Variants in MARK1 observed in about 807,000 individuals in gnomAD.
MARK1 encodes the protein microtubule affinity regulating kinase 1.
In MARK1, 40 loss-of-function variants were observed where a neutral mutation model predicts 96.3. The observed-to-expected ratio is 0.42, with a 90% CI of 0.32 to 0.54. The LOEUF (loss-of-function observed/expected upper bound fraction) is 0.54, where lower values mean the gene tolerates loss of function less well. MARK1 is among the 20% of genes least tolerant of loss of function. MARK1 has a pLI of 0.16. For synonymous variants in MARK1, 317 were observed against 341.2 expected, an observed-to-expected ratio of 0.93 and a Z score of 0.78; for missense variants, 719 against 984.6, an observed-to-expected ratio of 0.73 and a Z score of 3.61.
At chr1:220,557,536 G>A (rs1662358568) in intron 1 of MARK1, among the ~76,000 whole-genome samples, 1 of 151,978 alleles carries the variant, frequency 6.6e-6, no homozygotes, top group South Asian at 2.1e-4. Flanking sequence ...TCCAACCTGG[G>A]TGACAGAGAG....
chr1:220,550,669 G>A (rs1326363282), intron 1 of MARK1, among the ~76,000 whole-genome samples: 1 of 152,122 alleles, frequency 6.6e-6, no homozygotes, highest in African/African-American at 2.4e-5. Flanking sequence ...TGTTTGTCCT[G>A]TGTCCCTTTA....
intron 1 of MARK1, among the ~76,000 whole-genome samples, chr1:220,574,928 A>G (rs1663729894): frequency 6.6e-6 from 1 of 152,216 alleles, no homozygotes; most frequent in South Asian, 2.1e-4. Context: ...CCCTACCTTC[A>G]GGTCTAATAT....
At chr1:220,543,979 A>G (rs763705176) in intron 1 of MARK1, among the ~76,000 whole-genome samples, 14 of 152,242 alleles carry the variant, frequency 9.2e-5, no homozygotes, top group Non-Finnish European at 1.6e-4. Context: ...AGACAATTAT[A>G]GTTGATGGCT....
At position 220,615,973 on chromosome 1, in the gene MARK1, A is replaced by T. The variant is rs1335494759; in HGVS notation, c.530A>T (p.Tyr177Phe). Residue 177 changes from tyrosine to phenylalanine, a missense_variant, in exon 7 of 18, where the codon TAC (tyrosine) becomes TTC (phenylalanine). Tyr to Phe is a conservative substitution (Grantham distance 22). Transcript: ENST00000366917. ...GCTGTACAGTATTGTCATCAAAAGT[A>T]CATTGTTCACCGTGATCTTAAGGTA... ...VSAVQYCHQK[Y>F]IVHRDLKAEN... 1.3e-6 allele frequency: 2 copies of T among 1,559,822 alleles called. No homozygotes were observed. The highest frequency in any genetic ancestry group is 1.7e-4 in the Middle Eastern group (1 of 5,916).
intron 1 of MARK1, among the ~76,000 whole-genome samples, chr1:220,562,251 G>C (rs1662717561): frequency 6.6e-6 from 1 of 152,052 alleles, no homozygotes; most frequent in African/African-American, 2.4e-5. Context: ...GATCACTTGA[G>C]GCCAGGAGTT....
At chr1:220,619,701 A>AT (rs1158565918) in intron 9 of MARK1, among the ~76,000 whole-genome samples, 3 of 151,680 alleles carry the variant, frequency 2.0e-5, no homozygotes, top group East Asian at 1.9e-4. Flanking sequence ...AATGTCTACT[A>AT]TTTTTTTTCT....
In MARK1 at chr1:220,635,430, A is replaced by C. The variant is rs1667905036; in HGVS notation, c.1177A>C (p.Ser393Arg). 1.2e-6 allele frequency: 2 copies of C among 1,612,482 alleles called. No homozygotes were observed. Among genetic ancestry groups the C allele is most frequent in the Non-Finnish European group, 1.7e-6 (2 of 1,179,704 alleles). Residue 393 changes from serine (S) to arginine (R), a missense_variant, in exon 12 of 18, where the codon AGT becomes CGT. By Grantham distance (110) the Ser-to-Arg change is moderately radical. Transcript: ENST00000366917. ...SGNLCQRSRP[S>R]SDLNNSTLQS... The stretch of plus-strand genomic sequence containing the variant: ...AAACTTGTGTCAGAGGTCCCGGCCC[A>C]GTAGTGACTTAAACAACAGCACTCT...
At chr1:220,578,311 C>T (rs945365824) in intron 1 of MARK1, among the ~76,000 whole-genome samples, 1 of 152,242 alleles carries the variant, frequency 6.6e-6, no homozygotes, top group Admixed American at 6.5e-5. Context: ...ACAATCACAG[C>T]TAGTGAAACA....
chr1:220,653,131 A>G lies in MARK1; in HGVS notation c.1767A>G (p.Pro589=). The G allele has an allele frequency of 4.3e-6, 7 of 1,614,160 alleles. No individual in the cohort carries two copies. The highest frequency in any genetic ancestry group is 4.2e-6 in the Non-Finnish European group (5 of 1,180,018). ...CCCAGAGAGTGCCTGCTGCTTCCCCATCTGCTCACAGTATTAGTACTGCGA... is the reference window on the plus strand; with the variant it reads ...CCCAGAGAGTGCCTGCTGCTTCCCCGTCTGCTCACAGTATTAGTACTGCGA... ...GTTQRVPAAS[P]SAHSISTATP... Residue 589 remains proline, a synonymous_variant, in exon 16 of 18, where the codon CCA becomes CCG. Transcript: ENST00000366917.
At chr1:220,622,063 T>C (rs1279108313) in intron 9 of MARK1, among the ~76,000 whole-genome samples, 1 of 152,190 alleles carries the variant, frequency 6.6e-6, no homozygotes, top group Non-Finnish European at 1.5e-5. Flanking sequence ...CTAATTGTAC[T>C]AGTCTGGAAC....
At chr1:220,633,242 AG>A (rs1048538017) in intron 11 of MARK1, among the ~76,000 whole-genome samples, 2 of 152,186 alleles carry the variant, frequency 1.3e-5, no homozygotes, top group African/African-American at 4.8e-5. Flanking sequence ...TGAGATTTGG[AG>A]GGGACAGAGC....
At chr1:220,651,520 A>G (rs1271238842) in intron 14 of MARK1, among the ~76,000 whole-genome samples, 3 of 152,206 alleles carry the variant, frequency 2.0e-5, no homozygotes, top group African/African-American at 4.8e-5. Context: ...CAGTTAACCT[A>G]TTGACTCATA....
At chr1:220,643,359 T>A (rs1162361096) in intron 13 of MARK1, among the ~76,000 whole-genome samples, 2 of 151,848 alleles carry the variant, frequency 1.3e-5, no homozygotes, top group African/African-American at 4.8e-5. Flanking sequence ...ACTGTCTTGG[T>A]GAAATGAGGC....
intron 11 of MARK1, among the ~76,000 whole-genome samples, chr1:220,633,127 C>T (rs1011821367): frequency 2.0e-5 from 3 of 152,116 alleles, no homozygotes; most frequent in Admixed American, 6.5e-5. Flanking sequence ...AAAGGGAGAA[C>T]TTGTTACCAC....
intron 1 of MARK1, among the ~76,000 whole-genome samples, chr1:220,534,309 A>G (rs889142702): frequency 3.9e-5 from 6 of 152,126 alleles, no homozygotes; most frequent in Non-Finnish European, 7.4e-5. Context: ...CAACATTAAA[A>G]TTATTCTAGC....
At chr1:220,528,924 G>A (rs906432467) in intron 1 of MARK1, 51 bp downstream of exon 1, 7 of 1,500,844 alleles carry the variant, frequency 4.7e-6, no homozygotes, top group Non-Finnish European at 6.3e-6. Context: ...ACCCTCCTCT[G>A]ATCCCCACTT....
At chr1:220,567,853 C>G (rs1296733883) in intron 1 of MARK1, among the ~76,000 whole-genome samples, 1 of 152,168 alleles carries the variant, frequency 6.6e-6, no homozygotes, top group East Asian at 1.9e-4. Context: ...CTAAGTCTGT[C>G]TAGCTTTAAA....
chr1:220,548,661 C>T (rs895356712), intron 1 of MARK1, among the ~76,000 whole-genome samples: 6 of 152,098 alleles, frequency 3.9e-5, no homozygotes, highest in Non-Finnish European at 8.8e-5. Flanking sequence ...ATTGCTTGAA[C>T]CTGGGAGGCA....
At chr1:220,647,442 G>T (rs1017017797) in intron 13 of MARK1, among the ~76,000 whole-genome samples, 3 of 152,186 alleles carry the variant, frequency 2.0e-5, no homozygotes, top group Admixed American at 6.5e-5. Flanking sequence ...TACACTGTTG[G>T]TGGGAATGTA....
Sources: allele counts gnomAD v4.1 joint callset (sites outside exome capture counted in the v4.1 genomes callset), GRCh38; gene constraint gnomAD v4.1.1; transcripts MANE v1.5; gene names NCBI Gene and HGNC (gene_info 2026-07-23, HGNC 2026-07-21).